Variants in CNTNAP2 observed in about 807,000 individuals in gnomAD.
The protein encoded by CNTNAP2 is contactin associated protein 2, also known as contactin-associated protein-like 2.
Under a neutral mutation model 155.2 loss-of-function variants are expected in CNTNAP2, and 98 were observed. The ratio of observed to expected loss-of-function variants is 0.63; its 90% CI spans 0.54 to 0.75. The LOEUF (loss-of-function observed/expected upper bound fraction) is 0.75, where lower values mean the gene tolerates loss of function less well. CNTNAP2 is among the 30% of genes least tolerant of loss of function. The pLI, the probability that CNTNAP2 is intolerant of heterozygous loss-of-function variation, is 0.00. For synonymous variants in CNTNAP2, 651 were observed against 631.2 expected (o/e 1.03, Z -0.47); for missense variants, 1,727 against 1,688.1 (o/e 1.02, Z -0.40).
intron 1 of CNTNAP2, among the ~76,000 whole-genome samples, chr7:146,231,812 G>T (rs1445961957): frequency 6.6e-6 from 1 of 152,162 alleles, no homozygotes; most frequent in Non-Finnish European, 1.5e-5. Context: ...GAATTCCCTG[G>T]AAAGGAACTG....
intron 11 of CNTNAP2, among the ~76,000 whole-genome samples, chr7:147,533,599 T>A (rs919274601): frequency 2.1e-5 from 3 of 141,852 alleles, no homozygotes; most frequent in Non-Finnish European, 4.6e-5. Flanking sequence ...AAGCTTTATT[T>A]AAAAAAAAAA....
intron 8 of CNTNAP2, among the ~76,000 whole-genome samples, chr7:147,231,597 T>C (rs1369519255): frequency 4.6e-5 from 7 of 152,218 alleles, no homozygotes; most frequent in African/African-American, 1.4e-4. Context: ...CCAACATTTA[T>C]TATCACGTGT....
At chr7:146,305,193 A>T (rs1329540471) in intron 1 of CNTNAP2, among the ~76,000 whole-genome samples, 1 of 152,016 alleles carries the variant, frequency 6.6e-6, no homozygotes, top group East Asian at 1.9e-4. Flanking sequence ...CAAGGTTTTT[A>T]GCTTCTTTGC....
intron 20 of CNTNAP2, among the ~76,000 whole-genome samples, chr7:148,262,275 T>A (rs1302281403): frequency 2.0e-5 from 3 of 152,208 alleles, no homozygotes; most frequent in Admixed American, 2.0e-4. Context: ...ACGTTGTTAT[T>A]GAAGAAATTG....
At chr7:146,914,816 T>A (rs1796361655) in intron 3 of CNTNAP2, among the ~76,000 whole-genome samples, 1 of 152,116 alleles carries the variant, frequency 6.6e-6, no homozygotes, top group Admixed American at 6.6e-5. Context: ...TTAGGTTCCA[T>A]CAATTTATCT....
At chr7:146,223,565 G>A (rs1799243127) in intron 1 of CNTNAP2, among the ~76,000 whole-genome samples, 1 of 152,142 alleles carries the variant, frequency 6.6e-6, no homozygotes, top group East Asian at 1.9e-4. Flanking sequence ...ACCTCCATAG[G>A]AAGTGTCTGG....
At chr7:146,717,741 G>T (rs1255123343) in intron 1 of CNTNAP2, among the ~76,000 whole-genome samples, 1 of 151,994 alleles carries the variant, frequency 6.6e-6, no homozygotes, top group Non-Finnish European at 1.5e-5. Context: ...GGAAATGGTA[G>T]AAACTTATAT....
intron 3 of CNTNAP2, among the ~76,000 whole-genome samples, chr7:146,875,887 C>T (rs1417996225): frequency 8.0e-6 from 1 of 125,272 alleles, no homozygotes; most frequent in East Asian, 2.6e-4. Flanking sequence ...CTTAAACACA[C>T]ACACACACAT....
At chr7:147,468,111 A>G (rs1397838392) in intron 10 of CNTNAP2, among the ~76,000 whole-genome samples, 3 of 152,044 alleles carry the variant, frequency 2.0e-5, no homozygotes, top group African/African-American at 7.2e-5. Flanking sequence ...TAGAGACCCC[A>G]TCTCTACAAA....
intron 3 of CNTNAP2, among the ~76,000 whole-genome samples, chr7:146,891,772 G>T (rs1270293192): frequency 2.6e-5 from 4 of 152,122 alleles, no homozygotes; most frequent in Non-Finnish European, 5.9e-5. Context: ...TCACCAGCTG[G>T]CATAGCAGGC....
chr7:146,872,295 CTA>C (rs537909151), intron 3 of CNTNAP2, among the ~76,000 whole-genome samples: 37 of 147,086 alleles, frequency 2.5e-4, no homozygotes, highest in Non-Finnish European at 4.7e-4. Context: ...CTTAATAAAA[CTA>C]TGTATTTCAA....
chr7:146,299,368 A>G (rs1267350759), intron 1 of CNTNAP2, among the ~76,000 whole-genome samples: 2 of 152,162 alleles, frequency 1.3e-5, no homozygotes, highest in Non-Finnish European at 2.9e-5. Context: ...TATCAAAATT[A>G]TAAAGCAGAA....
At chr7:148,308,311 C>A (rs1328863236) in intron 21 of CNTNAP2, among the ~76,000 whole-genome samples, 1 of 151,740 alleles carries the variant, frequency 6.6e-6, no homozygotes, top group Non-Finnish European at 1.5e-5. Context: ...AATACATGTT[C>A]ACTGCAGAAA....
At chr7:148,143,731 A>T (rs1434204078) in intron 16 of CNTNAP2, among the ~76,000 whole-genome samples, 1 of 152,220 alleles carries the variant, frequency 6.6e-6, no homozygotes, top group Non-Finnish European at 1.5e-5. Flanking sequence ...GCCATGACCC[A>T]GGCTCATCCT....
intron 9 of CNTNAP2, among the ~76,000 whole-genome samples, chr7:147,323,928 C>T (rs910156594): frequency 2.0e-5 from 3 of 151,714 alleles, no homozygotes; most frequent in Admixed American, 1.3e-4. Flanking sequence ...TTTCCCAAAA[C>T]ATTAGGATCT....
intron 1 of CNTNAP2, among the ~76,000 whole-genome samples, chr7:146,347,779 T>A (rs2129097967): frequency 6.6e-6 from 1 of 152,282 alleles, no homozygotes; most frequent in East Asian, 1.9e-4. Flanking sequence ...TTGGCCAGGC[T>A]GGTATTGAAC....
At position 147,380,942 on chromosome 7, in the gene CNTNAP2, A is replaced by G. The variant is rs191873968; in HGVS notation, c.1499-14667A>G. Among the ~76,000 whole-genome samples, 8 of 152,286 alleles carry G rather than the reference A, an allele frequency of 5.3e-5. No individual in the cohort carries two copies. The East Asian group carries it at 1.5e-3, about 29-fold the overall frequency. On this transcript the variant is annotated intron_variant, in intron 9 of 23. Transcript: ENST00000361727. The stretch of plus-strand genomic sequence containing the variant: ...TTTGGAAAATATATAGACTTTCAAA[A>G]TGACAATATAGACGAGACTAAGAAA...
At chr7:147,313,178 G>C (rs1460065084) in intron 9 of CNTNAP2, among the ~76,000 whole-genome samples, 1 of 151,148 alleles carries the variant, frequency 6.6e-6, no homozygotes, top group Non-Finnish European at 1.5e-5. Context: ...TGTCAGATGA[G>C]CAGGTTGCAA....
At chr7:148,180,501 G>A (rs1476715801) in intron 18 of CNTNAP2, among the ~76,000 whole-genome samples, 1 of 151,970 alleles carries the variant, frequency 6.6e-6, no homozygotes, top group Non-Finnish European at 1.5e-5. Context: ...AAAGGCCAAG[G>A]GAGCTGAGAG....
Sources: allele counts gnomAD v4.1 joint callset (sites outside exome capture counted in the v4.1 genomes callset), GRCh38; gene constraint gnomAD v4.1.1; transcripts MANE v1.5; gene names NCBI Gene and HGNC (gene_info 2026-07-23, HGNC 2026-07-21).